Variants in GALNT15 observed in about 807,000 individuals in gnomAD.
The protein encoded by GALNT15 is UDP-GalNAc transferase T15.
Under a neutral mutation model 66.8 loss-of-function variants are expected in GALNT15, and 67 were observed. The observed-to-expected ratio is 1.00, with a 90% CI of 0.82 to 1.23. The LOEUF (loss-of-function observed/expected upper bound fraction) is 1.23. GALNT15 is among the 50% of genes most tolerant of loss of function. The probability of loss-of-function intolerance (pLI) is 0.00; values close to 1 mark genes in which losing one functional copy is unlikely to be tolerated. For synonymous variants in GALNT15, 313 were observed against 311.5 expected, an observed-to-expected ratio of 1.00 and a Z score of -0.05; for missense variants, 827 against 804.3, an observed-to-expected ratio of 1.03 and a Z score of -0.34.
Position 16,206,080 on chromosome 3 carries a change from G to A in GALNT15, c.912-2423G>A, listed in dbSNP as rs188098731. On this transcript the variant is annotated intron_variant, in intron 3 of 9. Coordinates refer to ENST00000339732, the MANE Select transcript of GALNT15 (RefSeq NM_054110.5). Reference sequence around the variant, plus strand: ...AAAAAGCAACGTACTCCTTTGTTAAGAAGTACACAGCACAGGCTGGGTGCA... The same window carrying A: ...AAAAAGCAACGTACTCCTTTGTTAAAAAGTACACAGCACAGGCTGGGTGCA... Among the ~76,000 whole-genome samples the A allele has an allele frequency of 2.8e-3, 432 of 152,290 alleles. 3 individuals are homozygous for A. Among genetic ancestry groups the A allele is most frequent in the South Asian group, 0.02 (97 of 4,824 alleles).
Position 16,200,663 on chromosome 3 carries a change from G to C in GALNT15, c.751G>C (p.Gly251Arg). The change falls in exon 3 of 10, where the codon GGG (glycine) becomes CGG (arginine). Residue 251 changes from glycine (G) to arginine (R), a missense_variant. Gly to Arg is a moderately radical substitution (Grantham distance 125). Transcript: ENST00000339732. This position sits in a 1 kb window ranked among gnomAD's most constrained non-coding sequence, Gnocchi z 4.4. ...ALSEYVARLE[G>R]VKLLRSNKRL... ...CAGCGAATATGTGGCCAGGCTGGAG[G>C]GGGTGAAGTTACTCAGGAGCAACAA... The C allele has an allele frequency of 6.2e-7, 1 of 1,600,480 alleles. No homozygotes were observed. The highest frequency in any genetic ancestry group is 8.5e-7 in the Non-Finnish European group (1 of 1,173,248).
chr3:16,228,951 C>G lies in GALNT15; in HGVS notation c.*1451C>G. ...GGCTAGTAAGAGCTAAATGACTTTC[C>G]TTGCTATGACTTGGCTTACCTGAAT... On this transcript the variant is annotated 3_prime_UTR_variant, in exon 10 of 10. Coordinates refer to ENST00000339732, the MANE Select transcript of GALNT15 (RefSeq NM_054110.5). 2.0e-6 allele frequency: 2 copies of G among 985,436 alleles called. No homozygotes were observed. Among genetic ancestry groups the G allele is most frequent in the African/African-American group, 1.7e-5 (1 of 57,358 alleles). 61.0% of individuals were successfully genotyped at this position (985,436 alleles called of 1,614,324 possible). A position where few individuals can be genotyped will look rare whatever the true frequency, so the allele number is the denominator to read the frequency against.
chr3:16,222,567 A>C, intron 8 of GALNT15, 48 bp from the exon 9 acceptor site: 2 of 1,610,592 alleles, frequency 1.2e-6, no homozygotes, highest in Non-Finnish European at 1.7e-6. Context: ...TACAGCTTTG[A>C]AGAGGATCTC....
rs2063981319 is a variant in GALNT15 at position 16,224,222 on chromosome 3, A to T, written c.1773+1464A>T. ...ATTCAGCCAGAAAAAGGAATGAGGT[A>T]CTATTCATAGTGGCACTGTTGACAA... On this transcript the variant is annotated intron_variant, in intron 9 of 9. Transcript: ENST00000339732. The surrounding 1 kb of genome is among the most constrained non-coding windows in gnomAD (Gnocchi z 5.2). 6.6e-6 allele frequency among the ~76,000 whole-genome samples: 1 copy of T among 152,274 alleles called. No homozygotes were observed. Among genetic ancestry groups the T allele is most frequent in the Non-Finnish European group, 1.5e-5 (1 of 68,044 alleles).
intron 6 of GALNT15, among the ~76,000 whole-genome samples, chr3:16,213,796 G>C (rs2063843895): frequency 6.6e-6 from 1 of 152,186 alleles, no homozygotes; most frequent in Admixed American, 6.5e-5. Flanking sequence ...ACATGCCTGA[G>C]TGCAGGGCCA....
chr3:16,219,475 C>T lies in GALNT15; in HGVS notation c.1465C>T (p.Leu489=). 6.2e-7 allele frequency: 1 copy of T among 1,614,232 alleles called. No individual in the cohort carries two copies. Among genetic ancestry groups the T allele is most frequent in the African/African-American group, 1.3e-5 (1 of 75,068 alleles). ...GGGTTGTCGGACATTCCACTGGTTTCTGGCTAATGTCTACCCTGAGCTGTA... is the reference window on the plus strand; with the variant it reads ...GGGTTGTCGGACATTCCACTGGTTTTTGGCTAATGTCTACCCTGAGCTGTA... ...RLGCRTFHWF[L]ANVYPELYPS... The change falls in exon 7 of 10, where the codon CTG becomes TTG. Residue 489 remains leucine (L), a synonymous_variant. Coordinates refer to ENST00000339732, the MANE Select transcript of GALNT15 (RefSeq NM_054110.5). This position sits in a 1 kb window ranked among gnomAD's most constrained non-coding sequence, Gnocchi z 4.3.
chr3:16,226,877 C>T (rs980730157), intron 9 of GALNT15, among the ~76,000 whole-genome samples: 3 of 152,160 alleles, frequency 2.0e-5, no homozygotes, highest in East Asian at 3.8e-4. Flanking sequence ...AGGGAATAGC[C>T]ATGGTCTTCT....
chr3:16,206,396 G>A lies in GALNT15; in HGVS notation c.912-2107G>A, dbSNP rs141402442. On this transcript the variant is annotated intron_variant, in intron 3 of 9. Transcript: ENST00000339732. ...GACCATTTAAAAAAAAAAAAAGGCC[G>A]GGCGCGATGGTTCACGCCTGTAATC... 3.1e-4 allele frequency among the ~76,000 whole-genome samples: 47 copies of A among 150,674 alleles called. No homozygotes were observed. In the East Asian group the frequency reaches 3.9e-3, roughly 13 times the overall value.
At chr3:16,226,154 T>A (rs1313310230) in intron 9 of GALNT15, among the ~76,000 whole-genome samples, 2 of 151,948 alleles carry the variant, frequency 1.3e-5, no homozygotes, top group Non-Finnish European at 2.9e-5. Flanking sequence ...AATCCATAAA[T>A]ATAGAAAGTA....
chr3:16,231,383 G>T (rs2064080389), downstream of GALNT15, among the ~76,000 whole-genome samples: 4 of 152,258 alleles, frequency 2.6e-5, no homozygotes, highest in South Asian at 8.3e-4. This position sits in a 1 kb window ranked among gnomAD's most constrained non-coding sequence, Gnocchi z 4.1. Context: ...CTTCTTACAT[G>T]AAATGTGCTC....
chr3:16,197,512 C>G (rs2063651612), intron 2 of GALNT15, among the ~76,000 whole-genome samples: 1 of 152,222 alleles, frequency 6.6e-6, no homozygotes, highest in Non-Finnish European at 1.5e-5. Flanking sequence ...ATTTAATCCT[C>G]TTGGCCACCC....
In GALNT15 at chr3:16,190,366, T is replaced by C. The variant is rs967099081; in HGVS notation, c.540-5394T>C. 2.0e-5 allele frequency among the ~76,000 whole-genome samples: 3 copies of C among 152,120 alleles called. No homozygotes were observed. The South Asian group carries it at 6.2e-4, about 31-fold the overall frequency. On this transcript the variant is annotated intron_variant, in intron 1 of 9. Coordinates refer to ENST00000339732, the MANE Select transcript of GALNT15 (RefSeq NM_054110.5). ...AAACAATCCCTGGCTAGGCCGGGCATGGTGGCTGACGCCTGTAATCCCAGC... is the reference window on the plus strand; with the variant it reads ...AAACAATCCCTGGCTAGGCCGGGCACGGTGGCTGACGCCTGTAATCCCAGC...
chr3:16,194,674 T>C (rs978859333), intron 1 of GALNT15, among the ~76,000 whole-genome samples: 4 of 152,206 alleles, frequency 2.6e-5, no homozygotes, highest in Non-Finnish European at 5.9e-5. Context: ...GATCCTGTCC[T>C]TTCCAGGGAC....
At chr3:16,222,871 T>C in intron 9 of GALNT15, 113 bp downstream of exon 9, 1 of 1,260,554 alleles carries the variant, frequency 7.9e-7, no homozygotes, top group Non-Finnish European at 1.1e-6. Flanking sequence ...CCTCTGCCTC[T>C]GCTTTTGAAC....
the GALNT15 span, among the ~76,000 whole-genome samples, chr3:16,246,815 A>G: frequency 6.6e-6 from 1 of 152,256 alleles, no homozygotes; most frequent in African/African-American, 2.4e-5. Context: ...AAATGAAAGT[A>G]TTACAGGAAT....
intron 3 of GALNT15, among the ~76,000 whole-genome samples, chr3:16,206,065 G>A (rs752395442): frequency 1.3e-5 from 2 of 152,062 alleles, no homozygotes; most frequent in Non-Finnish European, 1.5e-5. Flanking sequence ...AAAAAGCAAC[G>A]TACTCCTTTG....
At position 16,200,944 on chromosome 3, in the gene GALNT15, T is replaced by C; in HGVS notation, c.911+121T>C. The C allele has an allele frequency of 1.4e-6, 1 of 711,494 alleles. No individual in the cohort carries two copies. Among genetic ancestry groups the C allele is most frequent in the South Asian group, 2.4e-5 (1 of 41,816 alleles). 44.1% of individuals were successfully genotyped at this position (711,494 alleles called of 1,614,324 possible). A position where few individuals can be genotyped will look rare whatever the true frequency, so the allele number is the denominator to read the frequency against. On this transcript the variant is annotated intron_variant, in intron 3 of 9. Transcript: ENST00000339732. The surrounding 1 kb of genome is among the most constrained non-coding windows in gnomAD (Gnocchi z 4.4). ...TGAATCTCCATTAGAGAGTGATATA[T>C]TCCCTTCGGGTTTTCAGATGTGTAA... is the stretch of plus-strand genomic sequence containing the variant.
Position 16,219,615 on chromosome 3 carries a change from C to T in GALNT15, c.1524+81C>T. ...ACTAGATGTTCAGCTCTTCCATGTC[C>T]CTGGTCAACCATTCACGGTTTAGCA... is the stretch of plus-strand genomic sequence containing the variant. On this transcript the variant is annotated intron_variant, in intron 7 of 9. Coordinates refer to ENST00000339732, the MANE Select transcript of GALNT15 (RefSeq NM_054110.5). The surrounding 1 kb of genome is among the most constrained non-coding windows in gnomAD (Gnocchi z 4.3). 1 of 1,554,980 alleles carries T rather than the reference C, an allele frequency of 6.4e-7. No individual in the cohort carries two copies.
At chr3:16,212,873 G>T (rs1315287202) in intron 6 of GALNT15, 110 bp downstream of exon 6, 4 of 959,012 alleles carry the variant, frequency 4.2e-6, no homozygotes, top group South Asian at 1.7e-5. Context: ...GAAGATTCTG[G>T]CTTGAGCTTC....
Sources: allele counts gnomAD v4.1 joint callset (sites outside exome capture counted in the v4.1 genomes callset), GRCh38; gene constraint gnomAD v4.1.1; non-coding constraint Gnocchi (gnomAD v3.1); transcripts MANE v1.5; gene names NCBI Gene and HGNC (gene_info 2026-07-23, HGNC 2026-07-21).